The following RPH3AL variants were observed in gnomAD, a reference collection of about 807,000 sequenced individuals.
The protein encoded by RPH3AL is rab effector Noc2.
Under a neutral mutation model 43.1 loss-of-function variants are expected in RPH3AL, and 38 were observed. The observed-to-expected ratio is 0.88, with a 90% CI of 0.68 to 1.15. The LOEUF (loss-of-function observed/expected upper bound fraction) is 1.15, where lower values mean the gene tolerates loss of function less well. Ranked by LOEUF, RPH3AL falls within the 50% of genes most tolerant of loss-of-function variation. The pLI, the probability that RPH3AL is intolerant of heterozygous loss-of-function variation, is 0.00. For synonymous variants in RPH3AL, 189 were observed against 176.3 expected (o/e 1.07, Z -0.57); for missense variants, 462 against 423.2 (o/e 1.09, Z -0.81).
chr17:315,351 T>TCCACTTCCACTGACC (rs2043954158), intron 5 of RPH3AL, among the ~76,000 whole-genome samples: 3 of 100,936 alleles, frequency 3.0e-5, no homozygotes, highest in Non-Finnish European at 5.6e-5. Flanking sequence ...TCCCTGTGAC[T>TCCACTTCCACTGACC]CCACTTCCAC....
intron 5 of RPH3AL, among the ~76,000 whole-genome samples, chr17:286,085 A>G (rs2042902982): frequency 6.6e-6 from 1 of 152,116 alleles, no homozygotes; most frequent in Non-Finnish European, 1.5e-5. Context: ...GGGGGGTTTG[A>G]GGGACAAATG....
chr17:235,401 C>A (rs577448043), intron 7 of RPH3AL, among the ~76,000 whole-genome samples: 39 of 85,030 alleles, frequency 4.6e-4, no homozygotes, highest in African/African-American at 1.5e-3. Context: ...AGACAGGTCC[C>A]GGGTTCAAAG....
chr17:347,265 A>T (rs531562398), intron 1 of RPH3AL, among the ~76,000 whole-genome samples: 1,334 of 80,212 alleles, frequency 0.017, 210 homozygotes, highest in Middle Eastern at 0.12. Context: ...CCCAGATTTT[A>T]AAAAAATAAA....
chr17:303,108 G>T (rs972751890), intron 5 of RPH3AL, among the ~76,000 whole-genome samples: 1 of 152,214 alleles, frequency 6.6e-6, no homozygotes, highest in Non-Finnish European at 1.5e-5. Context: ...AACTAACAAC[G>T]TAACTGTATC....
rs771104019 is a variant in RPH3AL at position 281,849 on chromosome 17, G to T, written c.357C>A (p.Val119=). 1 of 1,613,872 alleles carries T rather than the reference G, an allele frequency of 6.2e-7. No individual in the cohort carries two copies. Among genetic ancestry groups the T allele is most frequent in the South Asian group, 1.1e-5 (1 of 91,072 alleles). The change falls in exon 6 of 10, where the codon GTC becomes GTA. Residue 119 remains valine (V), a synonymous_variant. Coordinates refer to ENST00000331302, the MANE Select transcript of RPH3AL (RefSeq NM_006987.4). ...AGGCCTCGATCCCACATTTGGTGCA[G>T]ACTTTCTACAAGAGAGAGGACATGG... The part of the protein sequence containing the change: ...SVFCKDCRKK[V]CTKCGIEASP...
At chr17:242,814 ACCTTCCTCTATTGATTAC>A in intron 7 of RPH3AL, among the ~76,000 whole-genome samples, 1 of 122,276 alleles carries the variant, frequency 8.2e-6, no homozygotes, top group African/African-American at 3.2e-5. Context: ...TCTATTGATT[ACCTTCCTCTATTGATTAC>A]CCTTCCTCTA....
At chr17:253,100 G>A (rs2041950830) in intron 6 of RPH3AL, among the ~76,000 whole-genome samples, 3 of 152,168 alleles carry the variant, frequency 2.0e-5, no homozygotes, top group Admixed American at 2.0e-4. Context: ...CCTGATCGGG[G>A]AAGGTTCCCA....
intron 5 of RPH3AL, among the ~76,000 whole-genome samples, chr17:293,986 C>CCACT (rs774117756): frequency 6.6e-6 from 1 of 152,156 alleles, no homozygotes; most frequent in Non-Finnish European, 1.5e-5. Context: ...TGAGATTGCA[C>CCACT]CACTGCATTA....
rs146421258 is a variant in RPH3AL, at chr17:215,299, G to A, written c.876+355C>T. Among the ~76,000 whole-genome samples, 3 of 152,292 alleles carry A rather than the reference G, an allele frequency of 2.0e-5. No homozygotes were observed. Among genetic ancestry groups the A allele is most frequent in the South Asian group, 2.1e-4 (1 of 4,820 alleles). ...AGGATTCTCCCCTCACTCTCTCTCT[G>A]TGCCTTGGTTTCTACACCCATCAAA... On this transcript the variant is annotated intron_variant, in intron 9 of 9. Transcript: ENST00000331302. This position sits in a 1 kb window ranked among gnomAD's most constrained non-coding sequence, Gnocchi z 4.1.
At chr17:214,957 G>T (rs913283190) in intron 9 of RPH3AL, among the ~76,000 whole-genome samples, 2 of 152,116 alleles carry the variant, frequency 1.3e-5, no homozygotes. Flanking sequence ...CCTCCCGGAT[G>T]CTCTGCAGCT....
At chr17:295,133 G>A (rs1193286285) in intron 5 of RPH3AL, among the ~76,000 whole-genome samples, 4 of 140,658 alleles carry the variant, frequency 2.8e-5, no homozygotes, top group Admixed American at 2.8e-4. Flanking sequence ...CATCAGTGTG[G>A]GAGGGACAGA....
Position 237,753 on chromosome 17 carries a change from C to T in RPH3AL, c.613+9358G>A, listed in dbSNP as rs1017627957. On this transcript the variant is annotated intron_variant, in intron 7 of 9. Transcript: ENST00000331302. The stretch of plus-strand genomic sequence containing the variant: ...GGCCGAGGTCCACATGGTAAAACTT[C>T]ATGAATCCAGAGGTCCTGGCCCCCA... 5.9e-5 allele frequency among the ~76,000 whole-genome samples: 9 copies of T among 152,228 alleles called. No individual in the cohort carries two copies. In the East Asian group the frequency reaches 7.7e-4, roughly 13 times the overall value.
At chr17:229,371 T>C (rs1037067706) in intron 7 of RPH3AL, among the ~76,000 whole-genome samples, 2 of 152,202 alleles carry the variant, frequency 1.3e-5, no homozygotes, top group African/African-American at 4.8e-5. Flanking sequence ...GCTGACTGTT[T>C]TCCTGAAAAT....
intron 1 of RPH3AL, among the ~76,000 whole-genome samples, chr17:338,000 ATAACC>A (rs2045007068): frequency 6.6e-6 from 1 of 152,220 alleles, no homozygotes; most frequent in Non-Finnish European, 1.5e-5. Context: ...GAGATGTGAA[ATAACC>A]TACTTCTCCC....
chr17:275,298 T>C (rs1016214154), intron 6 of RPH3AL, among the ~76,000 whole-genome samples: 2 of 146,228 alleles, frequency 1.4e-5, no homozygotes. Flanking sequence ...AATGGATAAA[T>C]AGGTACGTAT....
chr17:234,008 AGC>A (rs1423695195), intron 7 of RPH3AL, among the ~76,000 whole-genome samples: 2 of 66,254 alleles, frequency 3.0e-5, no homozygotes, highest in Admixed American at 1.3e-4. Flanking sequence ...AACTTCCCCG[AGC>A]AGGGAGCGGC....
chr17:340,553 C>G lies in RPH3AL; in HGVS notation c.-212-6619G>C, dbSNP rs1422115699. Among the ~76,000 whole-genome samples the G allele has an allele frequency of 2.2e-3, 2 of 902 alleles. 1 individual carries two copies. The highest frequency in any genetic ancestry group is 6.8e-3 in the Non-Finnish European group (2 of 296). 0.6% of individuals were successfully genotyped at this position (902 alleles called of 152,430 possible). A position where few individuals can be genotyped will look rare whatever the true frequency, so the allele number is the denominator to read the frequency against. ...CCCCACGTCCACACTCACTGCCCCC[C>G]ACCCAGGCCTCCCCACATCCACACT... On this transcript the variant is annotated intron_variant, in intron 1 of 9. Coordinates refer to ENST00000331302, the MANE Select transcript of RPH3AL (RefSeq NM_006987.4).
rs969284292 is a variant in RPH3AL at position 322,647 on chromosome 17, G to A, written c.78-1232C>T. Among the ~76,000 whole-genome samples the A allele has an allele frequency of 6.6e-6, 1 of 152,106 alleles. No individual in the cohort carries two copies. The highest frequency in any genetic ancestry group is 1.5e-5 in the Non-Finnish European group (1 of 68,024). ...CGCTTTCTTTAGGGAAGTGTCAGAA[G>A]GCAAGAGTCCTGGAGGCAGGACCTA... is the stretch of plus-strand genomic sequence containing the variant. On this transcript the variant is annotated intron_variant, in intron 3 of 9. Coordinates refer to ENST00000331302, the MANE Select transcript of RPH3AL (RefSeq NM_006987.4). The surrounding 1 kb of genome is among the most constrained non-coding windows in gnomAD (Gnocchi z 4.0).
intron 5 of RPH3AL, among the ~76,000 whole-genome samples, chr17:291,755 C>A (rs1409266702): frequency 6.6e-6 from 1 of 152,122 alleles, no homozygotes; most frequent in East Asian, 1.9e-4. Flanking sequence ...GACAACGAAG[C>A]TGTGTGGGGC....
Sources: allele counts gnomAD v4.1 joint callset (sites outside exome capture counted in the v4.1 genomes callset), GRCh38; gene constraint gnomAD v4.1.1; non-coding constraint Gnocchi (gnomAD v3.1); transcripts MANE v1.5; gene names NCBI Gene and HGNC (gene_info 2026-07-23, HGNC 2026-07-21).